UNC13C: variants seen among roughly 807,000 people sequenced by gnomAD.
UNC13C encodes protein unc-13 homolog C.
In UNC13C, 174 loss-of-function variants were observed where a neutral mutation model predicts 245.4. The ratio of observed to expected loss-of-function variants is 0.71; its 90% CI spans 0.63 to 0.80. The LOEUF is 0.80. Among genes scored for constraint, UNC13C ranks in the 30% least tolerant of loss-of-function variants. UNC13C has a pLI of 0.00. For synonymous variants in UNC13C, 992 were observed against 895.1 expected (o/e 1.11, Z -1.93); for missense variants, 2,829 against 2,602.9 (o/e 1.09, Z -1.89).
chr15:54,533,157 G>A (rs1321884949), intron 26 of UNC13C, 91 bp downstream of exon 26: 2 of 980,534 alleles, frequency 2.0e-6, no homozygotes, highest in African/African-American at 3.4e-5. Flanking sequence ...TCTGTGTAAG[G>A]TAGCATTAAA....
intron 19 of UNC13C, among the ~76,000 whole-genome samples, chr15:54,476,862 G>A (rs1892773346): frequency 6.6e-6 from 1 of 151,222 alleles, no homozygotes; most frequent in African/African-American, 2.4e-5. Flanking sequence ...TTGGTAGCTT[G>A]ATGGGGATGG....
At chr15:54,051,245 G>A (rs1009296060) in intron 2 of UNC13C, among the ~76,000 whole-genome samples, 5 of 152,038 alleles carry the variant, frequency 3.3e-5, no homozygotes, top group Non-Finnish European at 7.4e-5. Context: ...ATAACTTCAT[G>A]TATTTCATTT....
intron 2 of UNC13C, among the ~76,000 whole-genome samples, chr15:54,114,997 C>G (rs1595873607): frequency 1.3e-5 from 2 of 152,038 alleles, no homozygotes; most frequent in African/African-American, 4.8e-5. Flanking sequence ...AAAATGCATT[C>G]CCCACTTTTC....
At chr15:54,249,176 A>G (rs1284478853) in intron 7 of UNC13C, among the ~76,000 whole-genome samples, 1 of 151,952 alleles carries the variant, frequency 6.6e-6, no homozygotes, top group Non-Finnish European at 1.5e-5. Context: ...AGCATAGAAA[A>G]GGACTCATTT....
intron 24 of UNC13C, among the ~76,000 whole-genome samples, chr15:54,518,628 CTT>C (rs1228623639): frequency 1.3e-5 from 2 of 152,176 alleles, no homozygotes; most frequent in African/African-American, 4.8e-5. Flanking sequence ...AGTCAGTTCT[CTT>C]GTTTGCCCTA....
chr15:54,177,116 A>C (rs1448324952), intron 4 of UNC13C, among the ~76,000 whole-genome samples: 2 of 152,150 alleles, frequency 1.3e-5, no homozygotes, highest in Non-Finnish European at 2.9e-5. Flanking sequence ...GATTTTAAAA[A>C]ATAAAGCAGC....
Position 54,626,818 on chromosome 15 carries a change from A to T in UNC13C, c.6360-10A>T. On this transcript the variant is annotated splice_polypyrimidine_tract_variant and intron_variant, in intron 32 of 32. Coordinates refer to ENST00000260323, the MANE Select transcript of UNC13C (RefSeq NM_001080534.3). ...TTTTTGCTCAAAATTTGTATTTTTA[A>T]TCCACACAGCATTCTCGGAAAGGAA... 6.3e-7 allele frequency: 1 copy of T among 1,599,846 alleles called. No individual in the cohort carries two copies. The highest frequency in any genetic ancestry group is 1.3e-5 in the African/African-American group (1 of 74,198).
chr15:53,888,496 G>T, the UNC13C span, among the ~76,000 whole-genome samples: 32 of 152,186 alleles, frequency 2.1e-4, no homozygotes, highest in Admixed American at 1.9e-3. Flanking sequence ...CCCTTCTGTA[G>T]GTTGCCTGAT....
rs191760120 is a variant in UNC13C, at chr15:54,297,949, A to C, written c.4104+23A>C. On this transcript the variant is annotated intron_variant, in intron 12 of 32. Transcript: ENST00000260323. ...GAGGTAAATAAATGGAATTTTACTA[A>C]TACAAAATATAAGAAATGTTCTTGA... The C allele has an allele frequency of 3.0e-6, 4 of 1,334,984 alleles. No individual in the cohort carries two copies. In the South Asian group the frequency reaches 3.9e-5, roughly 13 times the overall value. 82.7% of individuals were successfully genotyped at this position (1,334,984 alleles called of 1,614,324 possible). A position where few individuals can be genotyped will look rare whatever the true frequency, so the allele number is the denominator to read the frequency against.
chr15:54,110,121 T>C (rs995102151), intron 2 of UNC13C, among the ~76,000 whole-genome samples: 4 of 151,524 alleles, frequency 2.6e-5, no homozygotes, highest in African/African-American at 4.9e-5. Flanking sequence ...CTACTAAAAA[T>C]ATAAAAAAAT....
chr15:54,573,346 G>C (rs993007491), intron 30 of UNC13C, among the ~76,000 whole-genome samples: 2 of 152,148 alleles, frequency 1.3e-5, no homozygotes, highest in African/African-American at 2.4e-5. Flanking sequence ...AGAAATTTAT[G>C]AGCCAAATAA....
chr15:54,321,459 C>T (rs1034346518), intron 13 of UNC13C: 33 of 489,024 alleles, frequency 6.7e-5, no homozygotes, highest in African/African-American at 5.3e-4. Flanking sequence ...TGCGGCCTTG[C>T]GTTCATGGCT....
intron 17 of UNC13C, among the ~76,000 whole-genome samples, chr15:54,364,205 A>T (rs1037680506): frequency 6.6e-6 from 1 of 152,222 alleles, no homozygotes; most frequent in Non-Finnish European, 1.5e-5. Flanking sequence ...ATAGTTGAAG[A>T]TTACAAAACA....
chr15:54,434,487 T>C (rs8023301), intron 19 of UNC13C, among the ~76,000 whole-genome samples: 6 of 152,052 alleles, frequency 3.9e-5, no homozygotes, highest in African/African-American at 1.4e-4. Context: ...ATGGGGAAAG[T>C]GTTCCCTATT....
At chr15:54,009,223 G>A (rs1475479240) in intron 1 of UNC13C, among the ~76,000 whole-genome samples, 2 of 152,168 alleles carry the variant, frequency 1.3e-5, no homozygotes, top group African/African-American at 4.8e-5. Context: ...ACTTCTGACT[G>A]CTTCTTTAGA....
intron 25 of UNC13C, among the ~76,000 whole-genome samples, chr15:54,527,086 G>A (rs1403002298): frequency 6.6e-6 from 1 of 151,728 alleles, no homozygotes; most frequent in Non-Finnish European, 1.5e-5. Context: ...TTGAGCCAAG[G>A]GTAGTCATTC....
chr15:54,395,710 A>T (rs1352707134), intron 18 of UNC13C, among the ~76,000 whole-genome samples: 1 of 151,866 alleles, frequency 6.6e-6, no homozygotes, highest in Non-Finnish European at 1.5e-5. Flanking sequence ...TATTGTTATC[A>T]TGAGTTTGAG....
intron 2 of UNC13C, among the ~76,000 whole-genome samples, chr15:54,102,843 T>C (rs967376017): frequency 1.3e-5 from 2 of 152,158 alleles, no homozygotes; most frequent in African/African-American, 4.8e-5. Context: ...AGAAGAACAT[T>C]TGATTGGTCC....
chr15:54,225,437 C>T (rs2035353104), intron 4 of UNC13C, among the ~76,000 whole-genome samples: 1 of 152,184 alleles, frequency 6.6e-6, no homozygotes, highest in South Asian at 2.1e-4. Context: ...TCTTTCTATC[C>T]ATGAGCATGG....
Sources: gnomAD v4.1 joint callset for allele counts (sites outside exome capture counted in the v4.1 genomes callset) on GRCh38, gnomAD v4.1.1 for gene constraint, MANE v1.5 for transcripts, NCBI Gene and HGNC (gene_info 2026-07-23, HGNC 2026-07-21) for gene names.